The following KDM4C variants were observed in gnomAD, a reference collection of about 807,000 sequenced individuals.
The protein encoded by KDM4C is lysine-specific demethylase 4C.
KDM4C carries 81 observed loss-of-function variants against 129.3 expected under a neutral mutation model. That is an observed-to-expected ratio of 0.63 (90% confidence interval 0.52 to 0.75). The LOEUF is 0.75. Ranked by LOEUF, KDM4C falls within the 30% of genes least tolerant of loss-of-function variation. KDM4C has a pLI of 0.00. For synonymous variants in KDM4C, 573 were observed against 456.1 expected, an observed-to-expected ratio of 1.26 and a Z score of -3.26; for missense variants, 1,457 against 1,304.0, an observed-to-expected ratio of 1.12 and a Z score of -1.81.
chr9:7,071,794 T>C (rs1457676953), intron 17 of KDM4C, among the ~76,000 whole-genome samples: 7 of 152,038 alleles, frequency 4.6e-5, no homozygotes, highest in Non-Finnish European at 1.0e-4. Context: ...AATAATACAC[T>C]TCTGCTCTTT....
At chr9:7,048,642 C>T (rs1829742093) in intron 16 of KDM4C, among the ~76,000 whole-genome samples, 1 of 152,004 alleles carries the variant, frequency 6.6e-6, no homozygotes. Context: ...GCTACTTAAA[C>T]AAGTTTGCTT....
At chr9:7,110,845 A>C (rs1838242057) in intron 18 of KDM4C, among the ~76,000 whole-genome samples, 1 of 152,216 alleles carries the variant, frequency 6.6e-6, no homozygotes, top group Non-Finnish European at 1.5e-5. Flanking sequence ...GCAGTATTGG[A>C]GAGAAACTGA....
intron 5 of KDM4C, among the ~76,000 whole-genome samples, chr9:6,865,395 T>C (rs1345442063): frequency 6.6e-6 from 1 of 152,186 alleles, no homozygotes. Context: ...TATCTTGAAT[T>C]CCTGATCAGA....
chr9:6,971,485 C>G (rs1477320762), intron 8 of KDM4C, among the ~76,000 whole-genome samples: 1 of 152,152 alleles, frequency 6.6e-6, no homozygotes, highest in Non-Finnish European at 1.5e-5. Context: ...AAATCACTTT[C>G]TAGATTTTAT....
chr9:6,828,804 G>A (rs1834320254), intron 4 of KDM4C, among the ~76,000 whole-genome samples: 3 of 152,268 alleles, frequency 2.0e-5, no homozygotes, highest in African/African-American at 7.2e-5. Context: ...CTGGGAGGTA[G>A]AGGTTGGCAT....
At chr9:7,107,834 A>G (rs1837870639) in intron 18 of KDM4C, among the ~76,000 whole-genome samples, 1 of 148,974 alleles carries the variant, frequency 6.7e-6, no homozygotes, top group Non-Finnish European at 1.5e-5. Flanking sequence ...CTAGGTCATA[A>G]GGACAGAAAG....
chr9:7,131,302 T>G (rs1350618892), intron 19 of KDM4C, among the ~76,000 whole-genome samples: 1 of 152,180 alleles, frequency 6.6e-6, no homozygotes, highest in Non-Finnish European at 1.5e-5. Flanking sequence ...GCCTCTTCCC[T>G]CTCTTACTTT....
chr9:6,817,908 A>G (rs1832420352), intron 4 of KDM4C, among the ~76,000 whole-genome samples: 1 of 151,982 alleles, frequency 6.6e-6, no homozygotes, highest in South Asian at 2.1e-4. Context: ...CTGGGATTAC[A>G]GGCACGTGAC....
At chr9:6,952,653 C>G (rs191483502) in intron 8 of KDM4C, among the ~76,000 whole-genome samples, 235 of 152,144 alleles carry the variant, frequency 1.5e-3, no homozygotes, top group African/African-American at 5.5e-3. Flanking sequence ...GTTGGCCAGG[C>G]TGATCTCAAA....
chr9:6,757,105 G>C (rs1413815025), upstream of KDM4C, among the ~76,000 whole-genome samples: 1 of 152,154 alleles, frequency 6.6e-6, no homozygotes, highest in Non-Finnish European at 1.5e-5. Context: ...GGCAGTACAG[G>C]GGCTTAAGGT....
intron 8 of KDM4C, among the ~76,000 whole-genome samples, chr9:6,960,498 G>C (rs1829851118): frequency 6.6e-6 from 1 of 151,868 alleles, no homozygotes; most frequent in South Asian, 2.1e-4. Flanking sequence ...GGCTCAAGCA[G>C]TCCTCCTACC....
intron 4 of KDM4C, among the ~76,000 whole-genome samples, chr9:6,837,537 T>C (rs1836106195): frequency 6.6e-6 from 1 of 152,252 alleles, no homozygotes; most frequent in South Asian, 2.1e-4. Flanking sequence ...ATCTTACTAC[T>C]TGATGTCATT....
intron 18 of KDM4C, among the ~76,000 whole-genome samples, chr9:7,117,276 A>G (rs531598164): frequency 1.1e-4 from 17 of 152,242 alleles, no homozygotes; most frequent in African/African-American, 3.1e-4. Flanking sequence ...CTGTTAAACT[A>G]TTTAATTAGT....
intron 8 of KDM4C, among the ~76,000 whole-genome samples, chr9:6,935,575 G>T (rs1011558781): frequency 6.9e-6 from 1 of 144,980 alleles, no homozygotes; most frequent in African/African-American, 2.5e-5. Flanking sequence ...GCGCCACCAC[G>T]CCCGGCTAAT....
At chr9:7,047,505 T>C (rs1829576996) in intron 16 of KDM4C, among the ~76,000 whole-genome samples, 1 of 151,974 alleles carries the variant, frequency 6.6e-6, no homozygotes, top group Non-Finnish European at 1.5e-5. Context: ...TTTATGACTG[T>C]TCTGCATGGA....
intron 8 of KDM4C, among the ~76,000 whole-genome samples, chr9:6,916,789 G>T (rs1343125986): frequency 6.6e-6 from 1 of 152,152 alleles, no homozygotes; most frequent in East Asian, 1.9e-4. Context: ...TTCTAAAATG[G>T]ACCTTCTTGT....
chr9:6,907,042 A>G (rs1391234423), intron 8 of KDM4C, among the ~76,000 whole-genome samples: 4 of 152,206 alleles, frequency 2.6e-5, no homozygotes, highest in Non-Finnish European at 4.4e-5. Context: ...GCCCAATTTT[A>G]CTATTGTGAA....
intron 19 of KDM4C, among the ~76,000 whole-genome samples, chr9:7,153,973 TTCTC>T (rs1184873210): frequency 6.6e-6 from 1 of 152,156 alleles, no homozygotes; most frequent in African/African-American, 2.4e-5. Context: ...TCTGAGAGAA[TTCTC>T]TCTTCTACTT....
chr9:6,937,585 G>A (rs1407084587), intron 8 of KDM4C, among the ~76,000 whole-genome samples: 1 of 152,032 alleles, frequency 6.6e-6, no homozygotes, highest in East Asian at 1.9e-4. Flanking sequence ...CTTACCTGTT[G>A]TGCACATGCT....
Sources: gnomAD v4.1 joint callset for allele counts (sites outside exome capture counted in the v4.1 genomes callset) on GRCh38, gnomAD v4.1.1 for gene constraint, MANE v1.5 for transcripts, NCBI Gene and HGNC (gene_info 2026-07-23, HGNC 2026-07-21) for gene names.